ME1: variants seen among roughly 807,000 people sequenced by gnomAD.
The protein encoded by ME1 is NADP-dependent malic enzyme.
In ME1, 74 loss-of-function variants were observed where a neutral mutation model predicts 66.4. That is an observed-to-expected ratio of 1.11 (90% CI 0.92 to 1.35). The LOEUF is 1.35. Among genes scored for constraint, ME1 ranks in the 40% most tolerant of loss-of-function variants. The pLI, the probability that ME1 is intolerant of heterozygous loss-of-function variation, is 0.00. For synonymous variants in ME1, 251 were observed against 235.6 expected (o/e 1.07, Z -0.60); for missense variants, 750 against 694.1 (o/e 1.08, Z -0.90).
intron 3 of ME1, among the ~76,000 whole-genome samples, chr6:83,352,663 T>C (rs1246527786): frequency 6.6e-6 from 1 of 152,216 alleles, no homozygotes; most frequent in Admixed American, 6.5e-5. Context: ...CTTTGATTTG[T>C]GATCTTAGTT....
At chr6:83,305,344 T>C (rs1004840658) in intron 6 of ME1, among the ~76,000 whole-genome samples, 1 of 152,034 alleles carries the variant, frequency 6.6e-6, no homozygotes, top group Non-Finnish European at 1.5e-5. Context: ...AGTGGTATTT[T>C]AAAAAAGGAA....
rs771409017 is a variant in ME1, at chr6:83,315,379, C to T, written c.635G>A (p.Arg212Gln). The change falls in exon 6 of 14, where the codon CGG becomes CAG. Residue 212 changes from arginine to glutamine, a missense_variant. Physicochemically the swap from Arg to Gln is conservative, Grantham distance 43. Coordinates refer to ENST00000369705, the MANE Select transcript of ME1 (RefSeq NM_002395.6). The stretch of plus-strand genomic sequence containing the variant: ...TTCAGAACCTCTTACTCTTCTCTGC[C>T]GTAGTCCAATGTAGAGTGGATCTTT... ...LLKDPLYIGL[R>Q]QRRVRGSEYD... The T allele has an allele frequency of 3.1e-5, 50 of 1,611,004 alleles. No homozygotes were observed. The highest frequency in any genetic ancestry group is 1.7e-4 in the Middle Eastern group (1 of 6,056).
At chr6:83,247,002 T>G (rs192094609) in intron 7 of ME1, among the ~76,000 whole-genome samples, 2 of 152,294 alleles carry the variant, frequency 1.3e-5, no homozygotes, top group Admixed American at 1.3e-4. Flanking sequence ...TATCCTTTTG[T>G]GAGTATCTGT....
At chr6:83,281,846 C>CAA (rs1562468375) in intron 6 of ME1, among the ~76,000 whole-genome samples, 2 of 67,720 alleles carry the variant, frequency 3.0e-5, no homozygotes, top group Admixed American at 1.7e-4. Flanking sequence ...GAAAAGAAAA[C>CAA]AAAAAAGAGA....
intron 5 of ME1, among the ~76,000 whole-genome samples, chr6:83,333,867 A>C (rs1768466324): frequency 6.6e-6 from 1 of 152,234 alleles, no homozygotes; most frequent in Non-Finnish European, 1.5e-5. Context: ...ACTTGCCCCA[A>C]AATTAATTAT....
chr6:83,400,227 G>T (rs1286357583), intron 2 of ME1, among the ~76,000 whole-genome samples: 1 of 152,080 alleles, frequency 6.6e-6, no homozygotes, highest in Non-Finnish European at 1.5e-5. Context: ...CATGGGGGTG[G>T]ATCCCTCATG....
intron 1 of ME1, among the ~76,000 whole-genome samples, chr6:83,414,171 TC>T (rs908406181): frequency 2.7e-5 from 4 of 149,698 alleles, no homozygotes; most frequent in African/African-American, 7.4e-5. Flanking sequence ...CAACCTCATT[TC>T]CCCCCCAAAA....
intron 6 of ME1, among the ~76,000 whole-genome samples, chr6:83,290,431 T>C (rs1238672051): frequency 6.6e-6 from 1 of 152,194 alleles, no homozygotes; most frequent in Non-Finnish European, 1.5e-5. Flanking sequence ...CATGTAGTTG[T>C]GTGGTTTTGA....
chr6:83,398,255 T>C, intron 3 of ME1, 112 bp downstream of exon 3: 1 of 728,042 alleles, frequency 1.4e-6, no homozygotes, highest in Admixed American at 3.6e-5. Flanking sequence ...ATCATAAATA[T>C]ATGCAATTTT....
At chr6:83,277,194 C>G (rs1767198059) in intron 6 of ME1, among the ~76,000 whole-genome samples, 1 of 152,224 alleles carries the variant, frequency 6.6e-6, no homozygotes, top group Non-Finnish European at 1.5e-5. Context: ...AGCCTGGGTA[C>G]TTACATATCC....
Position 83,228,807 on chromosome 6 carries a change from G to A in ME1, c.1132+19C>T. 6.7e-7 allele frequency: 1 copy of A among 1,486,242 alleles called. No individual in the cohort carries two copies. 92.1% of individuals were successfully genotyped at this position (1,486,242 alleles called of 1,614,324 possible). A position where few individuals can be genotyped will look rare whatever the true frequency, so the allele number is the denominator to read the frequency against. On this transcript the variant is annotated intron_variant, in intron 10 of 13. Coordinates refer to ENST00000369705, the MANE Select transcript of ME1 (RefSeq NM_002395.6). The stretch of plus-strand genomic sequence containing the variant: ...TCAAAATAAGGGGTAGGGGAGAAGG[G>A]AGAGGAGAAAATGCTTACCTATGAG...
At chr6:83,241,850 GT>G (rs776343937) in intron 7 of ME1, among the ~76,000 whole-genome samples, 1 of 151,874 alleles carries the variant, frequency 6.6e-6, no homozygotes, top group Non-Finnish European at 1.5e-5. Flanking sequence ...CATACTATCA[GT>G]TTTTGTATTT....
At chr6:83,357,935 C>CTCTCTCTCTCTCTCTA (rs1447805761) in intron 3 of ME1, among the ~76,000 whole-genome samples, 1 of 30,040 alleles carries the variant, frequency 3.3e-5, no homozygotes, top group African/African-American at 1.2e-4. Flanking sequence ...CTCTCTCTCT[C>CTCTCTCTCTCTCTCTA]TATATATATA....
At chr6:83,279,096 C>T (rs13211783) in intron 6 of ME1, among the ~76,000 whole-genome samples, 11 of 152,182 alleles carry the variant, frequency 7.2e-5, no homozygotes, top group East Asian at 1.9e-4. Flanking sequence ...TTTAAGGAGA[C>T]GCTGGAAAAA....
At chr6:83,324,359 A>G (rs2128540940) in intron 5 of ME1, among the ~76,000 whole-genome samples, 1 of 151,850 alleles carries the variant, frequency 6.6e-6, no homozygotes, top group Middle Eastern at 3.4e-3. Context: ...GAAGGAGATA[A>G]AGACATGAAA....
chr6:83,340,815 A>G (rs1768566021), intron 5 of ME1, among the ~76,000 whole-genome samples: 1 of 152,142 alleles, frequency 6.6e-6, no homozygotes, highest in South Asian at 2.1e-4. Context: ...AAGGTTGATG[A>G]TCAAATCCTT....
At chr6:83,267,679 T>C (rs1471565999) in intron 6 of ME1, among the ~76,000 whole-genome samples, 1 of 152,208 alleles carries the variant, frequency 6.6e-6, no homozygotes, top group Non-Finnish European at 1.5e-5. Flanking sequence ...CTGAAACAGA[T>C]AATTATGGTT....
chr6:83,326,359 A>AGCAAT (rs1768291005), intron 5 of ME1, among the ~76,000 whole-genome samples: 1 of 152,236 alleles, frequency 6.6e-6, no homozygotes, highest in Admixed American at 6.5e-5. Flanking sequence ...AAACACCAAA[A>AGCAAT]GCAATGGCAA....
chr6:83,223,611 C>T (rs1562450905), intron 12 of ME1, 149 bp downstream of exon 12: 1 of 643,290 alleles, frequency 1.6e-6, no homozygotes, highest in Non-Finnish European at 2.6e-6. Flanking sequence ...AACATGCTAC[C>T]CACCCCTTAT....
Sources: allele counts gnomAD v4.1 joint callset (sites outside exome capture counted in the v4.1 genomes callset), GRCh38; gene constraint gnomAD v4.1.1; transcripts MANE v1.5; gene names NCBI Gene and HGNC (gene_info 2026-07-23, HGNC 2026-07-21).